SV2C: variants seen among roughly 807,000 people sequenced by gnomAD.
The protein encoded by SV2C is solute carrier family 22 member B3.
SV2C carries 49 observed loss-of-function variants against 79.7 expected under a neutral mutation model. That is an observed-to-expected ratio of 0.61 (90% CI 0.49 to 0.78). The LOEUF is 0.78. Ranked by LOEUF, SV2C falls within the 30% of genes least tolerant of loss-of-function variation. The probability of loss-of-function intolerance (pLI) is 0.00; values close to 1 mark genes in which losing one functional copy is unlikely to be tolerated. For missense variants in SV2C, 833 were observed against 912.9 expected (o/e 0.91, Z 1.13); for synonymous variants, 334 against 333.2 (o/e 1.00, Z -0.03).
At chr5:76,082,724 T>C (rs966391946), upstream of SV2C, among the ~76,000 whole-genome samples, 25 of 150,180 alleles carry the variant, frequency 1.7e-4, no homozygotes, top group African/African-American at 5.1e-4. Context: ...CTATGTAGCA[T>C]TGGGGAGACA....
At chr5:75,991,726 A>G in the SV2C span, among the ~76,000 whole-genome samples, 1 of 151,294 alleles carries the variant, frequency 6.6e-6, no homozygotes, top group African/African-American at 2.4e-5. Flanking sequence ...AAAACCATCA[A>G]TTAATCTGGA....
chr5:76,256,244 G>A (rs1005462915), intron 4 of SV2C, among the ~76,000 whole-genome samples: 5 of 152,166 alleles, frequency 3.3e-5, no homozygotes, highest in African/African-American at 1.2e-4. Context: ...TAAGAATGCA[G>A]CAATTGACTT....
the SV2C span, among the ~76,000 whole-genome samples, chr5:75,874,023 G>A: frequency 6.6e-6 from 1 of 152,122 alleles, no homozygotes; most frequent in South Asian, 2.1e-4. Flanking sequence ...CCAGAAAATT[G>A]AGGAGCAGGG....
chr5:76,349,996 G>A (rs1749617973), intron 12 of SV2C, among the ~76,000 whole-genome samples: 1 of 152,200 alleles, frequency 6.6e-6, no homozygotes, highest in Non-Finnish European at 1.5e-5. Flanking sequence ...GTTGATAATA[G>A]CATTGCAAGC....
intron 10 of SV2C, among the ~76,000 whole-genome samples, chr5:76,300,238 C>A (rs1294217819): frequency 6.6e-6 from 1 of 150,790 alleles, no homozygotes; most frequent in Non-Finnish European, 1.5e-5. Context: ...TAGTCTTGAA[C>A]TCCTGGCTCA....
rs778008741 is a variant in SV2C at position 76,295,939 on chromosome 5, G to A, written c.1499G>A (p.Gly500Asp). The change falls in exon 9 of 13, where the codon GGC becomes GAC. Residue 500 changes from glycine to aspartate, a missense_variant. Physicochemically the swap from Gly to Asp is moderately conservative, Grantham distance 94. Coordinates refer to ENST00000502798, the MANE Select transcript of SV2C (RefSeq NM_014979.4). ...CATACTGGAATGGAATACGACAATG[G>A]CAGGTCTAGAAACTTGAAATAATTT... ...QIHTGMEYDN[G>D]RFIGVKFKSV... 22 of 1,584,868 alleles carry A rather than the reference G, an allele frequency of 1.4e-5. No individual in the cohort carries two copies. Among genetic ancestry groups the A allele is most frequent in the Non-Finnish European group, 1.8e-5 (21 of 1,166,034 alleles).
At chr5:76,155,913 G>A (rs1409542266) in intron 2 of SV2C, among the ~76,000 whole-genome samples, 5 of 136,274 alleles carry the variant, frequency 3.7e-5, no homozygotes, top group South Asian at 2.4e-4. Context: ...GCAACAAAGT[G>A]TGGAGAAATT....
intron 2 of SV2C, among the ~76,000 whole-genome samples, chr5:76,181,575 A>C (rs921358806): frequency 1.3e-5 from 2 of 152,136 alleles, no homozygotes; most frequent in African/African-American, 2.4e-5. Flanking sequence ...GCAAGCAAGC[A>C]TGTCTTACCA....
chr5:75,922,264 C>T, the SV2C span, among the ~76,000 whole-genome samples: 1 of 152,064 alleles, frequency 6.6e-6, no homozygotes, highest in Non-Finnish European at 1.5e-5. Flanking sequence ...AAAATCTAGT[C>T]CTTTCCCCCC....
At chr5:76,122,001 A>G (rs1748518800) in intron 1 of SV2C, among the ~76,000 whole-genome samples, 1 of 152,278 alleles carries the variant, frequency 6.6e-6, no homozygotes, top group African/African-American at 2.4e-5. Flanking sequence ...CCTACCCATG[A>G]GCATGGAATG....
At chr5:76,256,504 C>T (rs1196766071) in intron 4 of SV2C, among the ~76,000 whole-genome samples, 7 of 152,206 alleles carry the variant, frequency 4.6e-5, no homozygotes, top group Middle Eastern at 6.3e-3. Flanking sequence ...TTTCTGAGAA[C>T]ACCCTAGAAT....
chr5:76,305,535 A>G (rs1451098672), intron 12 of SV2C, among the ~76,000 whole-genome samples: 1 of 152,166 alleles, frequency 6.6e-6, no homozygotes, highest in African/African-American at 2.4e-5. Context: ...CTAAATCTGC[A>G]TAGTCCAGAT....
At chr5:76,225,254 G>C (rs1034178999) in intron 4 of SV2C, among the ~76,000 whole-genome samples, 2 of 152,214 alleles carry the variant, frequency 1.3e-5, no homozygotes, top group Admixed American at 6.5e-5. Context: ...TTCTTTGGGA[G>C]GTTTCTGATC....
intron 1 of SV2C, among the ~76,000 whole-genome samples, chr5:76,129,306 G>A (rs911472973): frequency 7.2e-5 from 11 of 152,110 alleles, no homozygotes; most frequent in African/African-American, 2.4e-4. Flanking sequence ...CTTTGCTTTA[G>A]TAAGACTACA....
At chr5:76,181,376 T>C (rs10040232) in intron 2 of SV2C, among the ~76,000 whole-genome samples, 104,373 of 151,740 alleles carry the variant, frequency 0.69, 36,922 homozygotes, top group East Asian at 0.91. Flanking sequence ...GCCAGTCCTG[T>C]TCTACAGTGC....
the SV2C span, among the ~76,000 whole-genome samples, chr5:76,066,816 AG>A: frequency 1.1e-4 from 16 of 139,730 alleles, no homozygotes; most frequent in South Asian, 3.6e-3. Flanking sequence ...AAAAAAAAAA[AG>A]CATGGTAGAG....
At chr5:76,249,759 G>C (rs145830863) in intron 4 of SV2C, among the ~76,000 whole-genome samples, 43 of 152,282 alleles carry the variant, frequency 2.8e-4, no homozygotes, top group African/African-American at 9.9e-4. Flanking sequence ...TGGCAGGTAG[G>C]TGTGTGTTGC....
At chr5:76,064,232 G>T in the SV2C span, among the ~76,000 whole-genome samples, 2 of 152,096 alleles carry the variant, frequency 1.3e-5, no homozygotes, top group Admixed American at 6.5e-5. Flanking sequence ...AGAAAGGACT[G>T]GAGGAGAAAG....
At chr5:76,312,431 T>C (rs1454044484) in intron 12 of SV2C, among the ~76,000 whole-genome samples, 2 of 152,170 alleles carry the variant, frequency 1.3e-5, no homozygotes, top group Non-Finnish European at 2.9e-5. Context: ...TTTTGTATTT[T>C]TAATAGAGAC....
Sources: allele counts gnomAD v4.1 joint callset (sites outside exome capture counted in the v4.1 genomes callset), GRCh38; gene constraint gnomAD v4.1.1; transcripts MANE v1.5; gene names NCBI Gene and HGNC (gene_info 2026-07-23, HGNC 2026-07-21).